Variants in TMEM98 observed in about 807,000 individuals in gnomAD.
The protein encoded by TMEM98 is transmembrane protein 98.
Under a neutral mutation model 25.0 loss-of-function variants are expected in TMEM98, and 18 were observed. The observed-to-expected ratio is 0.72, with a 90% CI of 0.50 to 1.07. The LOEUF (loss-of-function observed/expected upper bound fraction) is 1.07. TMEM98 is among the 50% of genes least tolerant of loss of function. The pLI, the probability that TMEM98 is intolerant of heterozygous loss-of-function variation, is 0.00. For synonymous variants in TMEM98, 103 were observed against 112.4 expected, an observed-to-expected ratio of 0.92 and a Z score of 0.53; for missense variants, 241 against 289.0, an observed-to-expected ratio of 0.83 and a Z score of 1.20.
At chr17:32,936,174 C>T (rs1276603642) in intron 5 of TMEM98, among the ~76,000 whole-genome samples, 158 bp from the exon 6 acceptor site, 1 of 152,150 alleles carries the variant, frequency 6.6e-6, no homozygotes, top group Non-Finnish European at 1.5e-5. Context: ...TGCCACTTCC[C>T]ACCCGTTTCC....
In TMEM98 at chr17:32,931,611, G is replaced by C. The variant is rs1236320448; in HGVS notation, c.83G>C (p.Arg28Thr). 1 of 1,604,358 alleles carries C rather than the reference G, an allele frequency of 6.2e-7. No individual in the cohort carries two copies. Among genetic ancestry groups the C allele is most frequent in the Non-Finnish European group, 8.5e-7 (1 of 1,175,934 alleles). The change falls in exon 3 of 8, where the codon AGG becomes ACG. Residue 28 changes from arginine to threonine, a missense_variant. By Grantham distance (71) the Arg-to-Thr change is moderately conservative. Coordinates refer to ENST00000579849, the MANE Select transcript of TMEM98 (RefSeq NM_015544.3). ...ASFAALVLVC[R>T]QRYCRPRDLL... is the part of the protein sequence containing the mutation. Reference sequence around the variant, plus strand: ...TTTGCAGCCTTGGTGCTGGTTTGCAGGCAGCGCTACTGCCGGCCGCGAGAC... The same window carrying C: ...TTTGCAGCCTTGGTGCTGGTTTGCACGCAGCGCTACTGCCGGCCGCGAGAC...
rs1413765024 is a variant in TMEM98, at chr17:32,943,842, A to T, written c.*2849A>T. The T allele has an allele frequency of 1.3e-5, 2 of 152,206 alleles. No individual in the cohort carries two copies. The highest frequency in any genetic ancestry group is 2.9e-5 in the Non-Finnish European group (2 of 68,084). 9.4% of individuals were successfully genotyped at this position (152,206 alleles called of 1,614,324 possible). A position where few individuals can be genotyped will look rare whatever the true frequency, so the allele number is the denominator to read the frequency against. On this transcript the variant is annotated 3_prime_UTR_variant, in exon 8 of 8. Transcript: ENST00000579849. ...CCATTCTCTGATGCCGCTGACCCAG[A>T]TGGCGTCACCTCAGTTACCATGGCT...
chr17:32,928,275 G>C (rs950153456), intron 1 of TMEM98, 38 bp downstream of exon 1: 24 of 149,728 alleles, frequency 1.6e-4, no homozygotes, highest in Non-Finnish European at 3.1e-4. Context: ...GCCGCGGCGA[G>C]TCGGGGAAGG....
At chr17:32,931,439 T>C in intron 2 of TMEM98, 36 bp from the exon 3 acceptor site, 2 of 1,512,754 alleles carry the variant, frequency 1.3e-6, no homozygotes, top group East Asian at 2.4e-5. Flanking sequence ...TCGTGGCTTC[T>C]TGACCAGATC....
Position 32,931,324 on chromosome 17 carries a change from C to CA in TMEM98, c.-130-2dup, listed in dbSNP as rs1184895384. On this transcript the variant is annotated splice_region_variant and splice_polypyrimidine_tract_variant and intron_variant, in intron 1 of 7. Coordinates refer to ENST00000579849, the MANE Select transcript of TMEM98 (RefSeq NM_015544.3). ...GCATAAATTTTACCTTGGTTCTCTT[C>CA]AGGCCCTCAGGTCTCTGCAGGTGTC... 1.8e-6 allele frequency: 1 copy of CA among 546,994 alleles called. No homozygotes were observed. The highest frequency in any genetic ancestry group is 1.9e-5 in the African/African-American group (1 of 51,584). 33.9% of individuals were successfully genotyped at this position (546,994 alleles called of 1,614,324 possible).
chr17:32,937,710 C>T (rs938038248), intron 6 of TMEM98, among the ~76,000 whole-genome samples: 3 of 152,150 alleles, frequency 2.0e-5, no homozygotes, highest in African/African-American at 7.2e-5. Context: ...CCTGCCTCAG[C>T]CCCCTGAGTA....
chr17:32,937,205 C>A (rs903938817), intron 6 of TMEM98, among the ~76,000 whole-genome samples: 1 of 152,220 alleles, frequency 6.6e-6, no homozygotes, highest in Non-Finnish European at 1.5e-5. Context: ...GGGAGGGCAC[C>A]TCTGTATGCC....
At chr17:32,930,829 T>G (rs903745947) in intron 1 of TMEM98, 2 of 152,240 alleles carry the variant, frequency 1.3e-5, no homozygotes, top group African/African-American at 4.8e-5. Context: ...CTCTCTTTAA[T>G]GGGTGTTCTT....
rs1205865756 is a variant in TMEM98 at position 32,931,492 on chromosome 17, G to C, written c.-37G>C. On this transcript the variant is annotated 5_prime_UTR_variant, in exon 3 of 8. Transcript: ENST00000579849. ...CTCTCAAGCTTTAGCCCATGAGGAG[G>C]ATGTGACCGGGACTGAGTCAGGAGC... 1.3e-6 allele frequency: 2 copies of C among 1,597,408 alleles called. No homozygotes were observed. The highest frequency in any genetic ancestry group is 1.7e-6 in the Non-Finnish European group (2 of 1,172,048).
rs55951274 is a variant in TMEM98, at chr17:32,933,155, C to T, written c.132-19C>T. ...GGTCACCCACCATGAAACCATTTAA[C>T]GGGGGCCTTTTCTTCCAGGCCCATT... On this transcript the variant is annotated intron_variant, in intron 3 of 7. Coordinates refer to ENST00000579849, the MANE Select transcript of TMEM98 (RefSeq NM_015544.3). 2.8e-5 allele frequency: 45 copies of T among 1,613,448 alleles called. No homozygotes were observed. The highest frequency in any genetic ancestry group is 8.9e-5 in the East Asian group (4 of 44,892).
chr17:32,928,457 C>A (rs556992936), intron 1 of TMEM98, among the ~76,000 whole-genome samples: 1 of 149,280 alleles, frequency 6.7e-6, no homozygotes, highest in Non-Finnish European at 1.5e-5. Flanking sequence ...GGGGTCCCTC[C>A]CTCCCGGGGA....
chr17:32,928,617 C>T (rs1430473233), intron 1 of TMEM98, among the ~76,000 whole-genome samples: 3 of 151,844 alleles, frequency 2.0e-5, no homozygotes, highest in African/African-American at 7.3e-5. Context: ...CTCTTCAGTA[C>T]GCAGGGAAGA....
intron 3 of TMEM98, among the ~76,000 whole-genome samples, chr17:32,932,663 G>A (rs1157998399): frequency 1.3e-5 from 2 of 152,080 alleles, no homozygotes; most frequent in East Asian, 3.9e-4. Flanking sequence ...TTGTAAAATT[G>A]GAGGTGTTTT....
intron 7 of TMEM98, 85 bp from the exon 8 acceptor site, chr17:32,940,701 T>C (rs1235634046): frequency 1.0e-5 from 13 of 1,293,648 alleles, no homozygotes; most frequent in South Asian, 8.3e-5. Context: ...TGGGGAATAC[T>C]AGTCAAAAAG....
At chr17:32,940,434 T>C (rs1451217582) in intron 7 of TMEM98, among the ~76,000 whole-genome samples, 1 of 152,208 alleles carries the variant, frequency 6.6e-6, no homozygotes, top group Non-Finnish European at 1.5e-5. Flanking sequence ...TGATTGACTA[T>C]ATCTGAACTG....
intron 4 of TMEM98, among the ~76,000 whole-genome samples, chr17:32,933,800 A>G (rs2091481936): frequency 6.6e-6 from 1 of 152,228 alleles, no homozygotes; most frequent in Admixed American, 6.5e-5. Flanking sequence ...AAAGACAGTT[A>G]TAGTCAGTAT....
At chr17:32,929,236 C>T (rs368580541) in intron 1 of TMEM98, among the ~76,000 whole-genome samples, 104 of 151,924 alleles carry the variant, frequency 6.8e-4, no homozygotes, top group African/African-American at 2.4e-3. Context: ...ACAGCTCACA[C>T]ACACAGAAAC....
rs35124349 is a variant in TMEM98 at position 32,933,289 on chromosome 17, T to C, written c.247T>C (p.Trp83Arg). 1.5e-3 allele frequency: 2,435 copies of C among 1,614,160 alleles called. 36 individuals are homozygous for C. In the African/African-American group the frequency reaches 0.028, roughly 19 times the overall value. ...TGAGGCCATTCTGGAGAATGAAGAC[T>C]GGATCGAAGATGCCTCGTAAGGCCA... is the stretch of plus-strand genomic sequence containing the variant. ...HIEAILENED[W>R]IEDASGLMSH... is the part of the protein sequence containing the mutation. Residue 83 changes from tryptophan (W) to arginine (R), a missense_variant, in exon 4 of 8, where the codon TGG becomes CGG. Coordinates refer to ENST00000579849, the MANE Select transcript of TMEM98 (RefSeq NM_015544.3).
Position 32,941,032 on chromosome 17 carries a change from G to A in TMEM98, c.*39G>A, listed in dbSNP as rs759000255. ...GCAGCTAGCCATGAAGGCCCCTGCC[G>A]CCATCCCTGGATGGCTCAGCTTAGC... is the stretch of plus-strand genomic sequence containing the variant. On this transcript the variant is annotated 3_prime_UTR_variant, in exon 8 of 8. Coordinates refer to ENST00000579849, the MANE Select transcript of TMEM98 (RefSeq NM_015544.3). 14 of 1,534,974 alleles carry A rather than the reference G, an allele frequency of 9.1e-6. No homozygotes were observed. Among genetic ancestry groups the A allele is most frequent in the African/African-American group, 2.7e-5 (2 of 72,866 alleles).
Sources: gnomAD v4.1 joint callset for allele counts (sites outside exome capture counted in the v4.1 genomes callset) on GRCh38, gnomAD v4.1.1 for gene constraint, MANE v1.5 for transcripts, NCBI Gene and HGNC (gene_info 2026-07-23, HGNC 2026-07-21) for gene names.